Variants in CPNE4 observed in about 807,000 individuals in gnomAD.
CPNE4 encodes the protein copine-4.
A neutral mutation model predicts 67.9 loss-of-function variants in CPNE4; 25 were observed. The observed-to-expected ratio is 0.37, with a 90% CI of 0.27 to 0.51. The LOEUF (loss-of-function observed/expected upper bound fraction) is 0.51. CPNE4 is among the 20% of genes least tolerant of loss of function. The probability of loss-of-function intolerance (pLI) is 0.93; values close to 1 mark genes in which losing one functional copy is unlikely to be tolerated. For synonymous variants in CPNE4, 242 were observed against 244.9 expected, an observed-to-expected ratio of 0.99 and a Z score of 0.11; for missense variants, 464 against 690.8, an observed-to-expected ratio of 0.67 and a Z score of 3.68.
At chr3:131,838,230 A>G (rs1038189261) in intron 2 of CPNE4, among the ~76,000 whole-genome samples, 3 of 152,044 alleles carry the variant, frequency 2.0e-5, no homozygotes, top group Non-Finnish European at 4.4e-5. Flanking sequence ...CAAAATTATA[A>G]GACATTCATG....
At chr3:131,567,880 C>A (rs891824105) in intron 10 of CPNE4, among the ~76,000 whole-genome samples, 3 of 151,902 alleles carry the variant, frequency 2.0e-5, no homozygotes, top group African/African-American at 7.2e-5. Flanking sequence ...GTTCTTGGTG[C>A]TACTATTTAA....
intron 2 of CPNE4, among the ~76,000 whole-genome samples, chr3:131,747,055 C>G (rs1433902336): frequency 6.6e-6 from 1 of 150,506 alleles, no homozygotes; most frequent in Non-Finnish European, 1.5e-5. Flanking sequence ...TATCTGTTGG[C>G]CATTTGTATG....
chr3:131,816,481 A>G (rs759602203), intron 2 of CPNE4, among the ~76,000 whole-genome samples: 6 of 152,224 alleles, frequency 3.9e-5, no homozygotes, highest in African/African-American at 4.8e-5. Flanking sequence ...TTTTTCAAAC[A>G]GGAAATACGA....
intron 7 of CPNE4, among the ~76,000 whole-genome samples, chr3:131,632,216 G>A (rs977325512): frequency 2.0e-5 from 3 of 151,874 alleles, no homozygotes; most frequent in African/African-American, 7.2e-5. Context: ...CACCATGTTG[G>A]CCAGGCTGGT....
At chr3:131,854,012 C>G (rs900869080) in intron 2 of CPNE4, among the ~76,000 whole-genome samples, 2 of 151,686 alleles carry the variant, frequency 1.3e-5, no homozygotes, top group African/African-American at 4.8e-5. Flanking sequence ...TACTATATGA[C>G]CTAGAAATTT....
chr3:131,558,161 A>T (rs1374097860), intron 11 of CPNE4, among the ~76,000 whole-genome samples: 1 of 152,004 alleles, frequency 6.6e-6, no homozygotes, highest in Non-Finnish European at 1.5e-5. Context: ...GGAATAATTA[A>T]TGAGCCAGGA....
chr3:131,577,548 A>T (rs1348786247), intron 9 of CPNE4, among the ~76,000 whole-genome samples: 1 of 152,156 alleles, frequency 6.6e-6, no homozygotes, highest in Non-Finnish European at 1.5e-5. Context: ...GTCTTTGTGT[A>T]TCTAAACATA....
chr3:131,640,637 A>G (rs530419034), intron 7 of CPNE4, among the ~76,000 whole-genome samples: 128 of 152,092 alleles, frequency 8.4e-4, no homozygotes, highest in African/African-American at 3.0e-3. Context: ...AAATACAACC[A>G]CCATTCTTCA....
intron 5 of CPNE4, among the ~76,000 whole-genome samples, chr3:131,693,727 GACCTCCCCTCTT>G (rs576904624): frequency 5.3e-5 from 8 of 151,866 alleles, no homozygotes; most frequent in Middle Eastern, 3.2e-3. Flanking sequence ...ACTGCTGCCT[GACCTCCCCTCTT>G]ACCTCCCCTC....
intron 2 of CPNE4, among the ~76,000 whole-genome samples, chr3:131,749,521 G>C (rs2082572675): frequency 6.6e-6 from 1 of 152,016 alleles, no homozygotes; most frequent in South Asian, 2.1e-4. Context: ...CTGTCTAGTT[G>C]TTTTATCAAT....
chr3:132,000,861 A>G, intron 1 of CPNE4, among the ~76,000 whole-genome samples: 1 of 151,836 alleles, frequency 6.6e-6, no homozygotes, highest in East Asian at 1.9e-4. Context: ...AAAAAAAAAA[A>G]AGGAAGGAAA....
At chr3:131,567,528 A>G (rs1392735791) in intron 10 of CPNE4, among the ~76,000 whole-genome samples, 2 of 151,986 alleles carry the variant, frequency 1.3e-5, no homozygotes, top group Non-Finnish European at 2.9e-5. Flanking sequence ...CCGCAGAGTG[A>G]GAGTCTCCTT....
intron 2 of CPNE4, among the ~76,000 whole-genome samples, chr3:131,803,917 G>A (rs780633387): frequency 1.3e-5 from 2 of 152,136 alleles, no homozygotes; most frequent in Non-Finnish European, 2.9e-5. Context: ...TCTTATTAAG[G>A]TTTGACTCCA....
At chr3:131,566,686 C>T (rs1018658103) in intron 10 of CPNE4, among the ~76,000 whole-genome samples, 10 of 151,878 alleles carry the variant, frequency 6.6e-5, no homozygotes, top group African/African-American at 2.4e-4. Context: ...TGGGGCCCTC[C>T]TGGGTTTACC....
At chr3:131,887,970 G>A (rs1262104341) in intron 2 of CPNE4, among the ~76,000 whole-genome samples, 1 of 152,170 alleles carries the variant, frequency 6.6e-6, no homozygotes, top group East Asian at 1.9e-4. Context: ...GCTCCAACTG[G>A]AAGTCCTAGC....
At chr3:131,752,053 G>A (rs534022220) in intron 2 of CPNE4, among the ~76,000 whole-genome samples, 2 of 152,182 alleles carry the variant, frequency 1.3e-5, no homozygotes, top group South Asian at 4.1e-4. Flanking sequence ...CCCCAGCGAC[G>A]TGGGGGAAGG....
At chr3:131,610,992 A>C (rs1038546962) in intron 7 of CPNE4, among the ~76,000 whole-genome samples, 3 of 152,200 alleles carry the variant, frequency 2.0e-5, no homozygotes, top group Non-Finnish European at 4.4e-5. Flanking sequence ...TTTCCATTTC[A>C]GCAAGTTTTA....
At position 131,691,700 on chromosome 3, in the gene CPNE4, A is replaced by G. The variant is rs2081036913; in HGVS notation, c.507+4842T>C. Among the ~76,000 whole-genome samples the G allele has an allele frequency of 2.6e-5, 4 of 152,298 alleles. No homozygotes were observed. The South Asian group carries it at 8.3e-4, about 32-fold the overall frequency. ...ATGTAATCTCTGCATCTAAAATAAA[A>G]GTTGAAATATTAAAAAAAAAGTGGG... On this transcript the variant is annotated intron_variant, in intron 5 of 15. Transcript: ENST00000429747.
intron 3 of CPNE4, among the ~76,000 whole-genome samples, chr3:131,704,043 A>T (rs1168451519): frequency 1.3e-5 from 2 of 152,252 alleles, no homozygotes; most frequent in Non-Finnish European, 2.9e-5. Context: ...TGAAACAAGC[A>T]TTCCTTACAC....
Sources: gnomAD v4.1 joint callset for allele counts (sites outside exome capture counted in the v4.1 genomes callset) on GRCh38, gnomAD v4.1.1 for gene constraint, MANE v1.5 for transcripts, NCBI Gene and HGNC (gene_info 2026-07-23, HGNC 2026-07-21) for gene names.